Variants in RALGAPA2 observed in about 807,000 individuals in gnomAD.
The protein encoded by RALGAPA2 is Ral GTPase activating protein catalytic subunit alpha 2, also known as ral GTPase-activating protein subunit alpha-2.
Under a neutral mutation model 230.4 loss-of-function variants are expected in RALGAPA2, and 139 were observed. That is an observed-to-expected ratio of 0.60 (90% CI 0.53 to 0.69). The LOEUF (loss-of-function observed/expected upper bound fraction) is 0.69. Ranked by LOEUF, RALGAPA2 falls within the 30% of genes least tolerant of loss-of-function variation. RALGAPA2 has a pLI of 0.00. For synonymous variants in RALGAPA2, 847 were observed against 837.8 expected, an observed-to-expected ratio of 1.01 and a Z score of -0.19; for missense variants, 2,163 against 2,276.0, an observed-to-expected ratio of 0.95 and a Z score of 1.01.
intron 25 of RALGAPA2, among the ~76,000 whole-genome samples, 184 bp from the exon 26 acceptor site, chr20:20,535,987 T>TG (rs1012778184): frequency 6.6e-6 from 1 of 151,936 alleles, no homozygotes; most frequent in African/African-American, 2.4e-5. Context: ...TGGTAGAAGA[T>TG]GGGGGTCTCC....
chr20:20,624,449 C>A (rs1224587287), intron 10 of RALGAPA2, among the ~76,000 whole-genome samples: 1 of 151,526 alleles, frequency 6.6e-6, no homozygotes, highest in Non-Finnish European at 1.5e-5. Context: ...CAAGGCCAAG[C>A]AAGAAAAATT....
intron 38 of RALGAPA2, 118 bp from the exon 39 acceptor site, chr20:20,396,852 C>A: frequency 1.2e-6 from 1 of 835,646 alleles, no homozygotes. Flanking sequence ...AGCATTTCTG[C>A]AGCCTTGTCA....
chr20:20,525,044 T>A, intron 28 of RALGAPA2, 146 bp from the exon 29 acceptor site: 1 of 636,866 alleles, frequency 1.6e-6, no homozygotes, highest in South Asian at 2.3e-5. Context: ...GAGGGCCAGC[T>A]GTGTGGTGAT....
Position 20,512,657 on chromosome 20 carries a change from T to G in RALGAPA2, c.4712A>C (p.Glu1571Ala). The G allele has an allele frequency of 6.2e-7, 1 of 1,614,042 alleles. No homozygotes were observed. The highest frequency in any genetic ancestry group is 8.5e-7 in the Non-Finnish European group (1 of 1,179,890). The change falls in exon 32 of 40, where the codon GAG becomes GCG. Residue 1571 changes from glutamate (E) to alanine (A), a missense_variant. Physicochemically the swap from Glu to Ala is moderately radical, Grantham distance 107. Coordinates refer to ENST00000202677, the MANE Select transcript of RALGAPA2 (RefSeq NM_020343.4). Reference protein sequence around the residue: ...IEVILRQNAQEDEYIQSHNFD... With the variant: ...IEVILRQNAQADEYIQSHNFD... ...GTTATGACTCTGGATATACTCATCC[T>G]CTTGAGCATTTTGGCGCAAAATGAC...
chr20:20,555,479 G>T (rs2064056499), intron 23 of RALGAPA2, among the ~76,000 whole-genome samples: 1 of 152,082 alleles, frequency 6.6e-6, no homozygotes, highest in Non-Finnish European at 1.5e-5. Flanking sequence ...ATTTTGATAG[G>T]GATTGTATGG....
At chr20:20,537,122 A>G (rs1412079069) in intron 24 of RALGAPA2, among the ~76,000 whole-genome samples, 2 of 152,208 alleles carry the variant, frequency 1.3e-5, no homozygotes, top group Non-Finnish European at 2.9e-5. Flanking sequence ...TCAACTGAAT[A>G]CCATTTTGCT....
rs116399247 is a variant in RALGAPA2, at chr20:20,480,600, T to C, written c.5368-7644A>G. On this transcript the variant is annotated intron_variant, in intron 36 of 39. Transcript: ENST00000202677. ...AAACTGATGGTCAGGTATTTTAGGC[T>C]CCACAGACCACTGGACACTGAGGCA... Among the ~76,000 whole-genome samples, 748 of 152,230 alleles carry C rather than the reference T, an allele frequency of 4.9e-3. 6 individuals are homozygous for C. The highest frequency in any genetic ancestry group is 0.017 in the African/African-American group (713 of 41,536).
At chr20:20,589,979 CTTT>C (rs774058344) in intron 17 of RALGAPA2, among the ~76,000 whole-genome samples, 2 of 150,420 alleles carry the variant, frequency 1.3e-5, no homozygotes, top group African/African-American at 4.9e-5. Flanking sequence ...TTTATTTTAA[CTTT>C]TTTAATTTTT....
intron 20 of RALGAPA2, 121 bp downstream of exon 20, chr20:20,582,929 A>G: frequency 2.9e-6 from 3 of 1,048,118 alleles, no homozygotes; most frequent in South Asian, 3.3e-5. Context: ...GACAGTGGTC[A>G]GGAGCATGGC....
In RALGAPA2 at chr20:20,511,340, G is replaced by T; in HGVS notation, c.4857-15C>A. The T allele has an allele frequency of 6.5e-7, 1 of 1,537,050 alleles. No individual in the cohort carries two copies. The highest frequency in any genetic ancestry group is 8.7e-7 in the Non-Finnish European group (1 of 1,144,120). On this transcript the variant is annotated splice_polypyrimidine_tract_variant and intron_variant, in intron 32 of 39. Coordinates refer to ENST00000202677, the MANE Select transcript of RALGAPA2 (RefSeq NM_020343.4). Reference sequence around the variant, plus strand: ...GAAAATTCTTCCTATAAAGAAAAAAGGATGGAAGAAAAACCATGTGATTAC... The same window carrying T: ...GAAAATTCTTCCTATAAAGAAAAAATGATGGAAGAAAAACCATGTGATTAC...
At position 20,468,019 on chromosome 20, in the gene RALGAPA2, ATTC is replaced by A. The variant is rs377119026; in HGVS notation, c.5495+4807_5495+4809del. ...ACAGGTCTACCAACATTTTTTTCCC[ATTC>A]TTCTTCTTCTTTTTTCCCTCCCATT... On this transcript the variant is annotated intron_variant, in intron 37 of 39. Transcript: ENST00000202677. 3.7e-3 allele frequency among the ~76,000 whole-genome samples: 561 copies of A among 151,916 alleles called. 6 individuals carry two copies. Among genetic ancestry groups the A allele is most frequent in the African/African-American group, 0.013 (527 of 41,392 alleles).
chr20:20,594,154 T>C (rs2065378209), intron 16 of RALGAPA2, among the ~76,000 whole-genome samples: 1 of 152,194 alleles, frequency 6.6e-6, no homozygotes, highest in African/African-American at 2.4e-5. Context: ...GAAAAGAGAA[T>C]TTTCAATTCT....
At position 20,570,484 on chromosome 20, in the gene RALGAPA2, T is replaced by C. The variant is rs1417701055; in HGVS notation, c.3156+974A>G. 2.0e-5 allele frequency among the ~76,000 whole-genome samples: 3 copies of C among 152,320 alleles called. No individual in the cohort carries two copies. The East Asian group carries it at 5.8e-4, about 29-fold the overall frequency. On this transcript the variant is annotated intron_variant, in intron 23 of 39. Transcript: ENST00000202677. ...TTAATAAATGATTCAAGTTCATTAA[T>C]AAGTATTTACAATTTAAAGGGTAAA...
At chr20:20,565,693 A>T (rs906492626) in intron 23 of RALGAPA2, among the ~76,000 whole-genome samples, 3 of 152,258 alleles carry the variant, frequency 2.0e-5, no homozygotes, top group Admixed American at 2.0e-4. Flanking sequence ...GAGTTAAATG[A>T]AAGCAAAATG....
In RALGAPA2 at chr20:20,591,164, A is replaced by C. The variant is rs2065278167; in HGVS notation, c.2341+13T>G. ...TCTATAGTTCTGTATTAAACACTGA[A>C]GACATCATGTACCCTGAGAAGAATC... is the stretch of plus-strand genomic sequence containing the variant. On this transcript the variant is annotated intron_variant, in intron 17 of 39. Coordinates refer to ENST00000202677, the MANE Select transcript of RALGAPA2 (RefSeq NM_020343.4). 1 of 1,610,808 alleles carries C rather than the reference A, an allele frequency of 6.2e-7. No individual in the cohort carries two copies. The highest frequency in any genetic ancestry group is 8.5e-7 in the Non-Finnish European group (1 of 1,178,498).
At chr20:20,581,034 C>T (rs1242528278) in intron 20 of RALGAPA2, among the ~76,000 whole-genome samples, 1 of 152,172 alleles carries the variant, frequency 6.6e-6, no homozygotes, top group Non-Finnish European at 1.5e-5. Context: ...AGCCTTATCA[C>T]ATTACAGTTT....
chr20:20,465,351 G>A (rs1011903663), intron 37 of RALGAPA2, among the ~76,000 whole-genome samples: 10 of 152,134 alleles, frequency 6.6e-5, no homozygotes, highest in African/African-American at 2.4e-4. Context: ...GGGAGGGTGA[G>A]GGGTCCTTGG....
chr20:20,649,004 G>A (rs1229778747), intron 4 of RALGAPA2, among the ~76,000 whole-genome samples: 1 of 152,150 alleles, frequency 6.6e-6, no homozygotes, highest in Non-Finnish European at 1.5e-5. Context: ...CCCCCAGAGG[G>A]CAAAACACAA....
intron 37 of RALGAPA2, among the ~76,000 whole-genome samples, chr20:20,453,461 G>C (rs1459937389): frequency 2.0e-5 from 3 of 152,150 alleles, no homozygotes; most frequent in Non-Finnish European, 4.4e-5. Flanking sequence ...CGGGGGGTGG[G>C]TTTGGGCTCC....
Sources: gnomAD v4.1 joint callset for allele counts (sites outside exome capture counted in the v4.1 genomes callset) on GRCh38, gnomAD v4.1.1 for gene constraint, MANE v1.5 for transcripts, NCBI Gene and HGNC (gene_info 2026-07-23, HGNC 2026-07-21) for gene names.